BORCS5: variants seen among roughly 807,000 people sequenced by gnomAD.
BORCS5 encodes the protein BLOC-1 related complex subunit 5, also known as BLOC-1-related complex subunit 5.
BORCS5 carries 17 observed loss-of-function variants against 22.1 expected under a neutral mutation model. The observed-to-expected ratio is 0.77, with a 90% confidence interval of 0.53 to 1.15. BORCS5 has a LOEUF of 1.15. Among genes scored for constraint, BORCS5 ranks in the 50% most tolerant of loss-of-function variants. The pLI, the probability that BORCS5 is intolerant of heterozygous loss-of-function variation, is 0.00. For missense variants in BORCS5, 247 were observed against 253.2 expected, an observed-to-expected ratio of 0.98 and a Z score of 0.17; for synonymous variants, 117 against 99.8, an observed-to-expected ratio of 1.17 and a Z score of -1.03.
chr12:12,403,379 G>T (rs1428527973), intron 2 of BORCS5, among the ~76,000 whole-genome samples: 1 of 152,120 alleles, frequency 6.6e-6, no homozygotes, highest in Non-Finnish European at 1.5e-5. Context: ...TGTTGCTTCT[G>T]CTGGCTTTTC....
Position 12,466,062 on chromosome 12 carries a change from A to T in BORCS5, c.*286A>T, listed in dbSNP as rs1943196409. Reference sequence around the variant, plus strand: ...GAACTCTGCATTGAGAATTATTTTTATTTAGTTTTTTTTTTTTTTTAATTG... The same window carrying T: ...GAACTCTGCATTGAGAATTATTTTTTTTTAGTTTTTTTTTTTTTTTAATTG... On this transcript the variant is annotated 3_prime_UTR_variant, in exon 4 of 4. Transcript: ENST00000314565. 3.2e-5 allele frequency: 8 copies of T among 253,060 alleles called. No individual in the cohort carries two copies. Among genetic ancestry groups the T allele is most frequent in the South Asian group, 2.7e-4 (3 of 10,926 alleles). 15.7% of individuals were successfully genotyped at this position (253,060 alleles called of 1,614,324 possible).
chr12:12,371,439 G>A (rs1016032715), intron 2 of BORCS5, among the ~76,000 whole-genome samples: 3 of 152,016 alleles, frequency 2.0e-5, no homozygotes, highest in Admixed American at 6.6e-5. Context: ...ACTACTCTGC[G>A]TGCCACCACG....
chr12:12,389,087 T>C (rs1230928673), intron 2 of BORCS5, among the ~76,000 whole-genome samples: 3 of 150,330 alleles, frequency 2.0e-5, no homozygotes, highest in African/African-American at 7.4e-5. Flanking sequence ...TACCAGATAT[T>C]AACTATCTCT....
At chr12:12,436,860 A>G (rs1258206243) in intron 3 of BORCS5, among the ~76,000 whole-genome samples, 1 of 152,270 alleles carries the variant, frequency 6.6e-6, no homozygotes, top group Non-Finnish European at 1.5e-5. Flanking sequence ...ATTATTTGGA[A>G]AACTATTAAA....
intron 3 of BORCS5, among the ~76,000 whole-genome samples, chr12:12,442,097 G>C (rs192104712): frequency 6.6e-6 from 1 of 152,322 alleles, no homozygotes; most frequent in East Asian, 1.9e-4. Context: ...TGGTTTCCCT[G>C]GGGGCGAGGG....
intron 2 of BORCS5, among the ~76,000 whole-genome samples, chr12:12,389,460 C>T (rs1863954094): frequency 2.0e-5 from 3 of 150,944 alleles, no homozygotes; most frequent in Admixed American, 1.3e-4. Flanking sequence ...TTTTAATGCA[C>T]ATTTACAATT....
chr12:12,361,848 G>A (rs558417765), intron 2 of BORCS5, among the ~76,000 whole-genome samples: 4 of 152,228 alleles, frequency 2.6e-5, no homozygotes, highest in Non-Finnish European at 4.4e-5. Context: ...TAATCCTGGC[G>A]GCAGTTTTAT....
At chr12:12,420,639 A>G (rs75583784) in intron 2 of BORCS5, among the ~76,000 whole-genome samples, 1 of 152,132 alleles carries the variant, frequency 6.6e-6, no homozygotes, top group Non-Finnish European at 1.5e-5. Context: ...TTTGGGCAGT[A>G]TGGCCATTTT....
At chr12:12,401,895 A>G (rs916488672) in intron 2 of BORCS5, among the ~76,000 whole-genome samples, 1 of 138,198 alleles carries the variant, frequency 7.2e-6, no homozygotes, top group African/African-American at 2.6e-5. Context: ...TGTCTCTACT[A>G]AAAAAAAAAA....
chr12:12,435,492 T>C (rs1942535138), intron 2 of BORCS5, 136 bp from the exon 3 acceptor site: 1 of 744,998 alleles, frequency 1.3e-6, no homozygotes. Context: ...ATTGCAACGA[T>C]TGTCATTAAC....
intron 2 of BORCS5, among the ~76,000 whole-genome samples, chr12:12,366,656 C>T (rs1863412450): frequency 6.6e-6 from 1 of 152,132 alleles, no homozygotes; most frequent in Non-Finnish European, 1.5e-5. Flanking sequence ...AGTTAACAAA[C>T]CCTGTATAGA....
At chr12:12,425,475 G>A (rs940935196) in intron 2 of BORCS5, among the ~76,000 whole-genome samples, 1 of 152,138 alleles carries the variant, frequency 6.6e-6, no homozygotes, top group African/African-American at 2.4e-5. Context: ...ATGCACAAGG[G>A]TTCCAAGGAT....
intron 2 of BORCS5, among the ~76,000 whole-genome samples, chr12:12,404,703 T>G (rs1023288348): frequency 6.6e-6 from 1 of 152,076 alleles, no homozygotes; most frequent in African/African-American, 2.4e-5. Context: ...TTTGGTTTGG[T>G]TTTTTGTTTT....
chr12:12,438,374 A>AAAAAC (rs1555156022), intron 3 of BORCS5, among the ~76,000 whole-genome samples: 4 of 125,046 alleles, frequency 3.2e-5, no homozygotes, highest in Admixed American at 7.9e-5. Context: ...AAAAAAAAAA[A>AAAAAC]AAAAAACGAA....
chr12:12,417,936 T>A (rs1942010888), intron 2 of BORCS5, among the ~76,000 whole-genome samples: 1 of 149,674 alleles, frequency 6.7e-6, no homozygotes, highest in Non-Finnish European at 1.5e-5. Context: ...GCCACCACAC[T>A]TGATTTGAAT....
chr12:12,379,903 C>T (rs1418991225), intron 2 of BORCS5, among the ~76,000 whole-genome samples: 2 of 151,416 alleles, frequency 1.3e-5, no homozygotes, highest in Non-Finnish European at 3.0e-5. Flanking sequence ...TTTGAACATA[C>T]CTTCCTCACT....
In BORCS5 at chr12:12,466,195, G is replaced by C. The variant is rs190769009; in HGVS notation, c.*419G>C. 2.0e-4 allele frequency: 33 copies of C among 162,072 alleles called. No individual in the cohort carries two copies. The East Asian group carries it at 3.5e-3, about 17-fold the overall frequency. The allele number at this position is 162,072 out of a possible 1,614,324, so 10.0% of individuals were successfully genotyped here. On this transcript the variant is annotated 3_prime_UTR_variant, in exon 4 of 4. Transcript: ENST00000314565. ...GCCCTCATGAACTTTTCAGTAGGCT[G>C]TCTGGTTTATGTGTGGTCAACTTGA...
chr12:12,361,180 C>T (rs1863275990), intron 1 of BORCS5, 26 bp from the exon 2 acceptor site: 2 of 1,611,224 alleles, frequency 1.2e-6, no homozygotes, highest in East Asian at 4.5e-5. Context: ...ATATGCATCT[C>T]CTAAGCAGTG....
At chr12:12,388,291 ATG>A (rs1393872694) in intron 2 of BORCS5, among the ~76,000 whole-genome samples, 2 of 151,260 alleles carry the variant, frequency 1.3e-5, no homozygotes, top group Non-Finnish European at 3.0e-5. Context: ...TCCCAAACAT[ATG>A]GTAGCAGTGA....
Sources: gnomAD v4.1 joint callset for allele counts (sites outside exome capture counted in the v4.1 genomes callset) on GRCh38, gnomAD v4.1.1 for gene constraint, MANE v1.5 for transcripts, NCBI Gene and HGNC (gene_info 2026-07-23, HGNC 2026-07-21) for gene names.